The following PPM1L variants were observed in gnomAD, a reference collection of about 807,000 sequenced individuals.
PPM1L encodes the protein protein phosphatase 1L.
A neutral mutation model predicts 31.4 loss-of-function variants in PPM1L; 13 were observed. The observed-to-expected ratio is 0.41, with a 90% CI of 0.27 to 0.66. The LOEUF (loss-of-function observed/expected upper bound fraction) is 0.66, where lower values mean the gene tolerates loss of function less well. Among genes scored for constraint, PPM1L ranks in the 30% least tolerant of loss-of-function variants. The probability of loss-of-function intolerance (pLI) is 0.29; values close to 1 mark genes in which losing one functional copy is unlikely to be tolerated. For missense variants in PPM1L, 326 were observed against 453.7 expected, an observed-to-expected ratio of 0.72 and a Z score of 2.56; for synonymous variants, 184 against 175.4, an observed-to-expected ratio of 1.05 and a Z score of -0.39.
intron 1 of PPM1L, among the ~76,000 whole-genome samples, chr3:160,840,668 C>T (rs917527644): frequency 3.3e-5 from 5 of 150,130 alleles, no homozygotes; most frequent in Admixed American, 2.7e-4. Flanking sequence ...GGCTGGAGAA[C>T]CTGGAGTTCT....
intron 2 of PPM1L, among the ~76,000 whole-genome samples, chr3:161,001,658 C>T (rs1420942912): frequency 6.6e-6 from 1 of 152,078 alleles, no homozygotes; most frequent in African/African-American, 2.4e-5. Context: ...ATAAATAACA[C>T]CCCCAGCTCT....
At chr3:160,976,449 G>T (rs898220600) in intron 2 of PPM1L, among the ~76,000 whole-genome samples, 1 of 145,340 alleles carries the variant, frequency 6.9e-6, no homozygotes, top group African/African-American at 2.6e-5. Flanking sequence ...AGAAGGAATG[G>T]TACCAGTTCC....
At chr3:160,919,160 A>C (rs1318810502) in intron 1 of PPM1L, among the ~76,000 whole-genome samples, 2 of 152,228 alleles carry the variant, frequency 1.3e-5, no homozygotes, top group Non-Finnish European at 2.9e-5. Flanking sequence ...GGGGAAGCCC[A>C]CTAAATACAT....
intron 1 of PPM1L, among the ~76,000 whole-genome samples, chr3:160,873,305 G>A (rs1712384113): frequency 6.6e-6 from 1 of 152,128 alleles, no homozygotes; most frequent in Non-Finnish European, 1.5e-5. Context: ...AATATTAATG[G>A]CTAGAATCAG....
chr3:160,944,157 T>G lies in PPM1L; in HGVS notation c.400-17579T>G, dbSNP rs1015174928. ...GAGACACCAGCCTTCACTAAGCAGT[T>G]CATTATTTTCTAAGGTTGGAGCAGC... On this transcript the variant is annotated intron_variant, in intron 1 of 3. Transcript: ENST00000498165. Among the ~76,000 whole-genome samples, 10 of 152,066 alleles carry G rather than the reference T, an allele frequency of 6.6e-5. No individual in the cohort carries two copies. In the South Asian group the frequency reaches 2.1e-3, roughly 32 times the overall value.
At chr3:160,881,847 T>C (rs569826702) in intron 1 of PPM1L, among the ~76,000 whole-genome samples, 20 of 152,180 alleles carry the variant, frequency 1.3e-4, no homozygotes, top group South Asian at 6.2e-4. Flanking sequence ...GTCAGGAGAT[T>C]GAGACCATCC....
At chr3:160,942,233 T>C (rs1715186034) in intron 1 of PPM1L, among the ~76,000 whole-genome samples, 1 of 152,204 alleles carries the variant, frequency 6.6e-6, no homozygotes. Context: ...CCTTGGCGAC[T>C]GCTTTTTTCA....
At chr3:160,892,295 G>A (rs1713179908) in intron 1 of PPM1L, among the ~76,000 whole-genome samples, 1 of 152,124 alleles carries the variant, frequency 6.6e-6, no homozygotes, top group South Asian at 2.1e-4. Context: ...TGAAGAGGGA[G>A]CAGGCACATC....
chr3:160,984,227 C>A (rs776160843), intron 2 of PPM1L, among the ~76,000 whole-genome samples: 17 of 152,150 alleles, frequency 1.1e-4, no homozygotes, highest in Non-Finnish European at 2.4e-4. Flanking sequence ...TTTCAGAGGC[C>A]TTCCCTGGGA....
chr3:161,039,217 T>G (rs1217303691), intron 2 of PPM1L, among the ~76,000 whole-genome samples: 1 of 152,230 alleles, frequency 6.6e-6, no homozygotes, highest in Non-Finnish European at 1.5e-5. Flanking sequence ...CACTTTGCAC[T>G]GTGGACTCGC....
At chr3:160,832,715 A>G (rs1263826597) in intron 1 of PPM1L, among the ~76,000 whole-genome samples, 1 of 152,176 alleles carries the variant, frequency 6.6e-6, no homozygotes, top group African/African-American at 2.4e-5. Flanking sequence ...AATGTTAACT[A>G]CATTGCAGAA....
chr3:160,978,894 C>T (rs968456624), intron 2 of PPM1L, among the ~76,000 whole-genome samples: 3 of 151,750 alleles, frequency 2.0e-5, no homozygotes, highest in Admixed American at 6.6e-5. Context: ...AAGTATTATT[C>T]ATGTTTTTTT....
At chr3:160,839,825 T>C (rs1713816141) in intron 1 of PPM1L, among the ~76,000 whole-genome samples, 1 of 152,200 alleles carries the variant, frequency 6.6e-6, no homozygotes, top group Non-Finnish European at 1.5e-5. Context: ...TCCTAGACTA[T>C]AGCAAACTGG....
At chr3:160,760,464 A>G (rs1322963560) in intron 1 of PPM1L, among the ~76,000 whole-genome samples, 1 of 152,196 alleles carries the variant, frequency 6.6e-6, no homozygotes, top group African/African-American at 2.4e-5. Context: ...CAGTGGTCCT[A>G]CAGGCCAGCT....
chr3:160,956,895 G>A (rs1291474083), intron 1 of PPM1L, among the ~76,000 whole-genome samples: 3 of 152,240 alleles, frequency 2.0e-5, no homozygotes, highest in Admixed American at 2.0e-4. Flanking sequence ...TTTGCATAGT[G>A]TCAAAGTATT....
intron 1 of PPM1L, among the ~76,000 whole-genome samples, chr3:160,760,210 A>G (rs918650049): frequency 2.6e-5 from 4 of 152,232 alleles, no homozygotes; most frequent in Non-Finnish European, 5.9e-5. Context: ...AAAGTGTGTC[A>G]TGGCTTTAGG....
intron 1 of PPM1L, among the ~76,000 whole-genome samples, chr3:160,819,162 T>C (rs913333240): frequency 6.6e-6 from 1 of 152,072 alleles, no homozygotes; most frequent in East Asian, 1.9e-4. Context: ...TTAATGCATC[T>C]AACTTCAGAC....
intron 2 of PPM1L, among the ~76,000 whole-genome samples, chr3:161,048,533 G>A (rs1483408499): frequency 6.6e-6 from 1 of 152,122 alleles, no homozygotes; most frequent in Non-Finnish European, 1.5e-5. Flanking sequence ...GATTCCTCAA[G>A]GATCTAGAAC....
At chr3:160,765,518 TA>T (rs1158337980) in intron 1 of PPM1L, among the ~76,000 whole-genome samples, 1 of 152,180 alleles carries the variant, frequency 6.6e-6, no homozygotes, top group African/African-American at 2.4e-5. Context: ...GTCCTGTAGT[TA>T]AAAAAGATTG....
Sources: gnomAD v4.1 joint callset for allele counts (sites outside exome capture counted in the v4.1 genomes callset) on GRCh38, gnomAD v4.1.1 for gene constraint, MANE v1.5 for transcripts, NCBI Gene and HGNC (gene_info 2026-07-23, HGNC 2026-07-21) for gene names.